The following SEMA6D variants were observed in gnomAD, a reference collection of about 807,000 sequenced individuals.
SEMA6D encodes semaphorin 6D.
Under a neutral mutation model 106.6 loss-of-function variants are expected in SEMA6D, and 35 were observed. The ratio of observed to expected loss-of-function variants is 0.33; its 90% CI spans 0.25 to 0.44. The LOEUF is 0.44. Ranked by LOEUF, SEMA6D falls within the 20% of genes least tolerant of loss-of-function variation. SEMA6D has a pLI of 1.00. For synonymous variants in SEMA6D, 499 were observed against 487.7 expected (o/e 1.02, Z -0.31); for missense variants, 1,185 against 1,345.9 (o/e 0.88, Z 1.87).
rs1233431277 is a variant in SEMA6D, at chr15:47,773,502, A to C, written c.*1717A>C. 3 of 152,476 alleles carry C rather than the reference A, an allele frequency of 2.0e-5. No individual in the cohort carries two copies. The highest frequency in any genetic ancestry group is 1.9e-4 in the East Asian group (1 of 5,202). The allele number at this position is 152,476 out of a possible 1,614,324, so 9.4% of individuals were successfully genotyped here. A position where few individuals can be genotyped will look rare whatever the true frequency, so the allele number is the denominator to read the frequency against. ...CCAAATCTAGAAAGTACCAAGGCAG[A>C]GGTATGCTCCTGCTGTAATCAGGCA... On this transcript the variant is annotated 3_prime_UTR_variant, in exon 19 of 19. Coordinates refer to ENST00000536845, the MANE Select transcript of SEMA6D (RefSeq NM_001358351.3).
intron 2 of SEMA6D, among the ~76,000 whole-genome samples, chr15:47,467,199 A>G (rs1460425352): frequency 2.0e-5 from 3 of 152,092 alleles, no homozygotes; most frequent in African/African-American, 7.2e-5. Flanking sequence ...TATCCATATC[A>G]ATGTAAAAGG....
chr15:47,228,129 T>A (rs2031922037), intron 1 of SEMA6D, among the ~76,000 whole-genome samples: 1 of 104,556 alleles, frequency 9.6e-6, no homozygotes, highest in Non-Finnish European at 1.9e-5. Context: ...CATATATATG[T>A]GTGTGTGTAC....
chr15:47,520,498 G>A (rs930502003), intron 3 of SEMA6D, among the ~76,000 whole-genome samples: 5 of 152,188 alleles, frequency 3.3e-5, no homozygotes, highest in Non-Finnish European at 7.3e-5. Flanking sequence ...AAGACCTACA[G>A]TAATGTCATT....
At chr15:47,643,645 C>T (rs539796622) in intron 4 of SEMA6D, among the ~76,000 whole-genome samples, 14 of 152,178 alleles carry the variant, frequency 9.2e-5, no homozygotes, top group African/African-American at 3.4e-4. Context: ...AGGCAGTAGT[C>T]GTACATATCA....
At chr15:47,394,211 G>C (rs907363119) in intron 1 of SEMA6D, among the ~76,000 whole-genome samples, 4 of 152,094 alleles carry the variant, frequency 2.6e-5, no homozygotes, top group South Asian at 2.1e-4. Context: ...TAGCTAAAGA[G>C]GGCATTTGCT....
intron 3 of SEMA6D, among the ~76,000 whole-genome samples, chr15:47,565,820 C>A (rs536124523): frequency 2.0e-5 from 3 of 152,324 alleles, no homozygotes; most frequent in African/African-American, 7.2e-5. Context: ...AGCGGGAAGT[C>A]AGCAAAATTT....
chr15:47,498,549 T>C lies in SEMA6D; in HGVS notation c.-87+28004T>C, dbSNP rs567643727. ...CATCCTTCTGGTTTATAGATATGTG[T>C]ATTATTTAGGAGATAATATTGTGAA... On this transcript the variant is annotated intron_variant, in intron 3 of 19. Coordinates refer to the SEMA6D transcript ENST00000558014. Among the ~76,000 whole-genome samples the C allele has an allele frequency of 1.1e-4, 16 of 152,282 alleles. No homozygotes were observed. In the East Asian group the frequency reaches 3.1e-3, roughly 29 times the overall value.
intron 4 of SEMA6D, among the ~76,000 whole-genome samples, chr15:47,606,597 C>T (rs1447775346): frequency 6.6e-6 from 1 of 152,098 alleles, no homozygotes; most frequent in Admixed American, 6.6e-5. Flanking sequence ...ACTTGAATAC[C>T]AAGAGGCAGG....
intron 3 of SEMA6D, among the ~76,000 whole-genome samples, chr15:47,577,435 T>G (rs1343189238): frequency 6.6e-6 from 1 of 152,230 alleles, no homozygotes; most frequent in East Asian, 1.9e-4. Context: ...CATGGCTGCA[T>G]GAGGGCCTCT....
At chr15:47,578,618 A>G (rs564990772) in intron 3 of SEMA6D, among the ~76,000 whole-genome samples, 3 of 152,242 alleles carry the variant, frequency 2.0e-5, no homozygotes, top group African/African-American at 7.2e-5. Context: ...GGAGTAACAC[A>G]AATTTGTGAA....
rs752694329 is a variant in SEMA6D, at chr15:47,771,654, T to C, written c.3091T>C (p.Tyr1031His). Residue 1031 changes from tyrosine to histidine, a missense_variant, in exon 19 of 19, where the codon TAC (tyrosine) becomes CAC (histidine). Physicochemically the swap from Tyr to His is moderately conservative, Grantham distance 83. This residue lies in a region of SEMA6D where 750 missense variants were observed against 783.5 expected (regional missense o/e 0.96). Coordinates refer to ENST00000536845, the MANE Select transcript of SEMA6D (RefSeq NM_001358351.3). ...GCCTTCCCTCTCCAGACAGAGCAGCTACACCAGTAATGGCACTCTTCCTAG... is the reference window on the plus strand; with the variant it reads ...GCCTTCCCTCTCCAGACAGAGCAGCCACACCAGTAATGGCACTCTTCCTAG... ...LQPSLSRQSSYTSNGTLPRTG... is the reference protein window; with the variant it reads ...LQPSLSRQSSHTSNGTLPRTG... The C allele has an allele frequency of 1.2e-6, 2 of 1,614,120 alleles. No homozygotes were observed. The highest frequency in any genetic ancestry group is 1.1e-5 in the South Asian group (1 of 91,082).
chr15:47,285,209 A>G (rs2035305563), intron 1 of SEMA6D, among the ~76,000 whole-genome samples: 1 of 152,092 alleles, frequency 6.6e-6, no homozygotes, highest in Admixed American at 6.6e-5. Context: ...TAGTTTAAAC[A>G]TTCCTATTTT....
In SEMA6D at chr15:47,405,082, C is replaced by CA. The variant is rs768959412; in HGVS notation, c.-238-7308dup. On this transcript the variant is annotated intron_variant, in intron 1 of 19. Coordinates refer to the SEMA6D transcript ENST00000558014. ...ACTCCAGGAGGAGCAAGCAGCAGTG[C>CA]AAAGGCAGGGCATATTGGAAGTGTT... Among the ~76,000 whole-genome samples, 3 of 151,998 alleles carry CA rather than the reference C, an allele frequency of 2.0e-5. No homozygotes were observed. In the East Asian group the frequency reaches 5.8e-4, roughly 30 times the overall value.
chr15:47,256,227 A>G (rs2033795727), intron 1 of SEMA6D, among the ~76,000 whole-genome samples: 1 of 152,184 alleles, frequency 6.6e-6, no homozygotes, highest in Non-Finnish European at 1.5e-5. Context: ...GTCTCTTAAT[A>G]AAAGAAAAAA....
At chr15:47,449,216 A>G (rs1211031991) in intron 2 of SEMA6D, among the ~76,000 whole-genome samples, 3 of 152,126 alleles carry the variant, frequency 2.0e-5, no homozygotes, top group Non-Finnish European at 4.4e-5. Context: ...GAAATATAAG[A>G]CATGGATTAA....
At chr15:47,333,092 T>C (rs1008440380) in intron 1 of SEMA6D, among the ~76,000 whole-genome samples, 13 of 152,170 alleles carry the variant, frequency 8.5e-5, no homozygotes, top group African/African-American at 3.1e-4. Context: ...TGTATTGTTT[T>C]TACTGGGAGG....
chr15:47,442,639 G>T (rs908066415), intron 2 of SEMA6D, among the ~76,000 whole-genome samples: 3 of 152,056 alleles, frequency 2.0e-5, no homozygotes, highest in African/African-American at 7.2e-5. Flanking sequence ...TGTTGACATT[G>T]TTTGGGTTAC....
At chr15:47,376,757 T>C (rs1038608968) in intron 1 of SEMA6D, among the ~76,000 whole-genome samples, 3 of 152,198 alleles carry the variant, frequency 2.0e-5, no homozygotes, top group Admixed American at 2.0e-4. Context: ...TTTGCCTTCT[T>C]GTGGGGTAAA....
intron 3 of SEMA6D, among the ~76,000 whole-genome samples, chr15:47,590,098 C>T (rs2076411067): frequency 6.6e-6 from 1 of 152,038 alleles, no homozygotes; most frequent in South Asian, 2.1e-4. Flanking sequence ...TATTGCGGCA[C>T]TATTCACAAT....
Sources: allele counts gnomAD v4.1 joint callset (sites outside exome capture counted in the v4.1 genomes callset), GRCh38; gene constraint gnomAD v4.1.1; regional missense constraint gnomAD v4.1.1; transcripts MANE v1.5; gene names NCBI Gene and HGNC (gene_info 2026-07-23, HGNC 2026-07-21).